The following SUMF1 variants were observed in gnomAD, a reference collection of about 807,000 sequenced individuals.
SUMF1 encodes formylglycine-generating enzyme.
SUMF1 carries 48 observed loss-of-function variants against 47.6 expected under a neutral mutation model. The ratio of observed to expected loss-of-function variants is 1.01; its 90% CI spans 0.80 to 1.28. SUMF1 has a LOEUF of 1.28. SUMF1 is among the 50% of genes most tolerant of loss of function. The pLI is 0.00. For missense variants in SUMF1, 571 were observed against 485.4 expected (o/e 1.18, Z -1.66); for synonymous variants, 230 against 192.1 (o/e 1.20, Z -1.63).
intron 9 of SUMF1, among the ~76,000 whole-genome samples, chr3:4,039,646 AAGTCTTTGC>A (rs1694872826): frequency 6.6e-6 from 1 of 151,790 alleles, no homozygotes; most frequent in African/African-American, 2.4e-5. Context: ...GGTTGGTTCC[AAGTCTTTGC>A]TATTGTGATT....
At chr3:4,322,682 AAGAC>A (rs903658301) in intron 8 of SUMF1, among the ~76,000 whole-genome samples, 13 of 152,126 alleles carry the variant, frequency 8.5e-5, no homozygotes, top group African/African-American at 2.2e-4. Context: ...AGAAAGAAAA[AAGAC>A]AGACAATTAT....
At chr3:4,385,845 C>T (rs181403264) in intron 7 of SUMF1, among the ~76,000 whole-genome samples, 120 of 152,278 alleles carry the variant, frequency 7.9e-4, no homozygotes, top group African/African-American at 2.1e-3. Flanking sequence ...TTTCTGCCCA[C>T]GGATGTCCAA....
intron 8 of SUMF1, among the ~76,000 whole-genome samples, chr3:4,271,140 A>T (rs310693): frequency 1.3e-5 from 2 of 152,042 alleles, no homozygotes; most frequent in African/African-American, 4.8e-5. Context: ...GCTAATACCC[A>T]CCACCAATCA....
intron 8 of SUMF1, among the ~76,000 whole-genome samples, chr3:4,135,680 A>C (rs1232221543): frequency 6.6e-6 from 1 of 152,180 alleles, no homozygotes; most frequent in Non-Finnish European, 1.5e-5. Context: ...TGAGGAAGTC[A>C]AATTGTCCCT....
chr3:4,388,933 A>C (rs1575163842), intron 7 of SUMF1, among the ~76,000 whole-genome samples: 1 of 152,162 alleles, frequency 6.6e-6, no homozygotes, highest in Non-Finnish European at 1.5e-5. Context: ...ATTTCCTTTA[A>C]ATACATTTAG....
chr3:4,251,110 T>C (rs769768953), intron 8 of SUMF1, among the ~76,000 whole-genome samples: 1 of 152,344 alleles, frequency 6.6e-6, no homozygotes, highest in South Asian at 2.1e-4. Context: ...CCATTCTAGA[T>C]ACCATTAAGA....
intron 8 of SUMF1, among the ~76,000 whole-genome samples, chr3:4,245,357 T>C (rs532650844): frequency 1.1e-4 from 16 of 152,340 alleles, no homozygotes; most frequent in African/African-American, 3.8e-4. Context: ...CTCTGGTCTC[T>C]CCCCATCTTT....
chr3:4,301,313 C>G (rs954638602), intron 8 of SUMF1, among the ~76,000 whole-genome samples: 3 of 152,126 alleles, frequency 2.0e-5, no homozygotes, highest in Admixed American at 6.5e-5. Flanking sequence ...CAACAGAGAA[C>G]AGCAGCAAAA....
At chr3:4,416,959 CA>C (rs1259924156) in intron 6 of SUMF1, among the ~76,000 whole-genome samples, 168 bp downstream of exon 6, 8 of 152,148 alleles carry the variant, frequency 5.3e-5, no homozygotes, top group African/African-American at 1.9e-4. Flanking sequence ...ATCCATTATA[CA>C]AAAAGAAAAT....
chr3:4,252,362 ACACACACAC>A (rs1696822305), intron 8 of SUMF1, among the ~76,000 whole-genome samples: 2 of 137,128 alleles, frequency 1.5e-5, no homozygotes, highest in African/African-American at 5.1e-5. Flanking sequence ...GCACACACAC[ACACACACAC>A]ACACACACCC....
intron 7 of SUMF1, among the ~76,000 whole-genome samples, chr3:4,386,105 ATTC>A (rs1174684934): frequency 6.6e-6 from 1 of 152,178 alleles, no homozygotes; most frequent in Non-Finnish European, 1.5e-5. Context: ...TGTTTTAGCA[ATTC>A]TAGTTCCTTT....
chr3:4,039,232 T>TTTTTTTTTTA (rs1373084459), intron 9 of SUMF1, among the ~76,000 whole-genome samples: 12 of 128,734 alleles, frequency 9.3e-5, no homozygotes, highest in East Asian at 2.3e-4. Context: ...TTTTTTTTTT[T>TTTTTTTTTTA]TTATTATACT....
At chr3:4,424,337 C>T (rs1421423119) in intron 3 of SUMF1, among the ~76,000 whole-genome samples, 2 of 152,110 alleles carry the variant, frequency 1.3e-5, no homozygotes, top group African/African-American at 4.8e-5. Context: ...ATCTTTCATG[C>T]TACCCTAGCA....
intron 8 of SUMF1, among the ~76,000 whole-genome samples, chr3:4,159,560 T>C (rs762465585): frequency 2.0e-5 from 3 of 152,076 alleles, no homozygotes; most frequent in Non-Finnish European, 2.9e-5. Flanking sequence ...ATCTTTCTAC[T>C]TAGATATGAA....
At chr3:4,338,773 G>GGTATACCTAGTACATAT (rs1316990944) in intron 8 of SUMF1, among the ~76,000 whole-genome samples, 1 of 151,928 alleles carries the variant, frequency 6.6e-6, no homozygotes, top group African/African-American at 2.4e-5. Flanking sequence ...GTCTCTCACA[G>GGTATACCTAGTACATAT]GTATACCTAG....
chr3:4,441,866 G>T (rs711641), intron 3 of SUMF1, among the ~76,000 whole-genome samples: 29 of 152,046 alleles, frequency 1.9e-4, no homozygotes, highest in African/African-American at 6.8e-4. Flanking sequence ...TTTGAATCTC[G>T]CCTCTCTACG....
intron 3 of SUMF1, among the ~76,000 whole-genome samples, chr3:4,440,192 A>G (rs1406579195): frequency 6.8e-6 from 1 of 148,130 alleles, no homozygotes; most frequent in Non-Finnish European, 1.5e-5. Context: ...GTGAGCTGAG[A>G]TCATCACACC....
intron 8 of SUMF1, among the ~76,000 whole-genome samples, chr3:4,130,406 T>C (rs1350617034): frequency 6.6e-6 from 1 of 152,198 alleles, no homozygotes; most frequent in Non-Finnish European, 1.5e-5. Flanking sequence ...CTCAGGGGTA[T>C]ACAAACTCCC....
intron 8 of SUMF1, among the ~76,000 whole-genome samples, chr3:4,180,722 GCA>G: frequency 5.3e-5 from 1 of 18,712 alleles, no homozygotes; most frequent in African/African-American, 1.8e-4. Context: ...GCATGGTGGC[GCA>G]CTCCTATGGT....
Sources: allele counts gnomAD v4.1 joint callset (sites outside exome capture counted in the v4.1 genomes callset), GRCh38; gene constraint gnomAD v4.1.1; transcripts MANE v1.5; gene names NCBI Gene and HGNC (gene_info 2026-07-23, HGNC 2026-07-21).